Variants in DST observed in about 807,000 individuals in gnomAD.
DST encodes bullous pemphigoid antigen.
In DST, 253 loss-of-function variants were observed where a neutral mutation model predicts 875.2. That is an observed-to-expected ratio of 0.29 (90% confidence interval 0.26 to 0.32). The LOEUF is 0.32. Ranked by LOEUF, DST falls within the 10% of genes least tolerant of loss-of-function variation. The pLI, the probability that DST is intolerant of heterozygous loss-of-function variation, is 1.00. For missense variants in DST, 8,287 were observed against 9,111.6 expected (o/e 0.91, Z 3.68); for synonymous variants, 3,124 against 3,197.1 (o/e 0.98, Z 0.77).
At chr6:56,560,485 T>C (rs927201329) in intron 57 of DST, 62 bp from the exon 58 acceptor site, 5 of 1,486,858 alleles carry the variant, frequency 3.4e-6, no homozygotes, top group Admixed American at 4.2e-5. Flanking sequence ...ACAATAATGA[T>C]AGAGCATTAT....
chr6:56,630,962 TTA>T (rs553555612), intron 30 of DST, among the ~76,000 whole-genome samples: 154 of 152,074 alleles, frequency 1.0e-3, no homozygotes, highest in African/African-American at 3.6e-3. Flanking sequence ...TTGGTATTTT[TTA>T]TAGAGATGGG....
At chr6:56,666,516 C>T (rs2099073088) in intron 10 of DST, among the ~76,000 whole-genome samples, 1 of 152,092 alleles carries the variant, frequency 6.6e-6, no homozygotes, top group African/African-American at 2.4e-5. Flanking sequence ...ATAACCACAT[C>T]CCTCTTTTCA....
intron 9 of DST, among the ~76,000 whole-genome samples, chr6:56,683,085 T>G (rs909575410): frequency 1.3e-5 from 2 of 152,194 alleles, no homozygotes; most frequent in Non-Finnish European, 2.9e-5. Flanking sequence ...GGCAATTTAT[T>G]CACACACCTA....
chr6:56,849,327 G>A (rs1763785944), intron 4 of DST, among the ~76,000 whole-genome samples: 1 of 151,834 alleles, frequency 6.6e-6, no homozygotes, highest in Non-Finnish European at 1.5e-5. Flanking sequence ...AGTAGAGACG[G>A]GGTTTCACCA....
intron 2 of DST, among the ~76,000 whole-genome samples, chr6:56,926,776 G>T (rs1807341346): frequency 6.6e-6 from 1 of 151,258 alleles, no homozygotes; most frequent in Non-Finnish European, 1.5e-5. Flanking sequence ...GTGTAACTAA[G>T]TCAATGGGAG....
At chr6:56,781,808 A>G (rs892104562) in intron 4 of DST, among the ~76,000 whole-genome samples, 3 of 152,102 alleles carry the variant, frequency 2.0e-5, no homozygotes, top group Admixed American at 2.0e-4. Flanking sequence ...GCCAGTTTTC[A>G]AAGGGAATGC....
At chr6:56,581,038 T>G (rs1014442879) in intron 49 of DST, among the ~76,000 whole-genome samples, 5 of 127,320 alleles carry the variant, frequency 3.9e-5, no homozygotes, top group African/African-American at 1.6e-4. Flanking sequence ...CCCAGCCAAT[T>G]AGTGGCATTT....
In DST at chr6:56,572,765, T is replaced by C; in HGVS notation, c.13536A>G (p.Glu4512=). The change falls in exon 52 of 104, where the codon GAA becomes GAG. Residue 4512 remains glutamate (E), a synonymous_variant. Coordinates refer to ENST00000680361, the MANE Select transcript of DST (RefSeq NM_001374736.1). ...EVDVPGKDVT[E]LSQYMQESTS... ...GGCATACCTGCATATACTGAGACAA[T>C]TCAGTAACATCTTTTCCTGGCACAT... The C allele has an allele frequency of 6.3e-7, 1 of 1,597,448 alleles. No homozygotes were observed. The highest frequency in any genetic ancestry group is 8.5e-7 in the Non-Finnish European group (1 of 1,173,018).
Position 56,568,452 on chromosome 6 carries a change from G to A in DST, c.14005+17C>T. On this transcript the variant is annotated intron_variant, in intron 55 of 103. Coordinates refer to ENST00000680361, the MANE Select transcript of DST (RefSeq NM_001374736.1). ...CTGATTCTTAGTTTTTGCCATAAAT[G>A]TAAATAAAGCTCATACCTGATTTAA... 2.5e-6 allele frequency: 4 copies of A among 1,574,424 alleles called. No individual in the cohort carries two copies. Among genetic ancestry groups the A allele is most frequent in the East Asian group, 2.3e-5 (1 of 43,784 alleles).
intron 60 of DST, among the ~76,000 whole-genome samples, chr6:56,554,835 C>G (rs2097380554): frequency 6.6e-6 from 1 of 152,146 alleles, no homozygotes; most frequent in Non-Finnish European, 1.5e-5. Flanking sequence ...GAAGTGAATT[C>G]TAATAATTCA....
chr6:56,792,986 T>A (rs2099730755), intron 4 of DST, among the ~76,000 whole-genome samples: 1 of 146,508 alleles, frequency 6.8e-6, no homozygotes, highest in East Asian at 2.0e-4. Context: ...GAGACTCGCT[T>A]GAGCCCCTGA....
intron 49 of DST, among the ~76,000 whole-genome samples, chr6:56,582,192 A>G (rs1407416697): frequency 3.9e-5 from 6 of 151,978 alleles, no homozygotes; most frequent in Non-Finnish European, 8.8e-5. Context: ...CTGACCACAT[A>G]TCACCCCTGA....
At chr6:56,934,693 G>A (rs1392970840) in intron 2 of DST, among the ~76,000 whole-genome samples, 1 of 149,278 alleles carries the variant, frequency 6.7e-6, no homozygotes, top group Admixed American at 6.7e-5. Context: ...AGAGATCATT[G>A]GTTTTGTGAA....
chr6:56,655,565 C>G lies in DST; in HGVS notation c.1215-4321G>C, dbSNP rs541642929. ...CAATAATTATTTATGTGGATACAAACAGTAAGGTTCTGGCTACCCTGCATC... is the reference window on the plus strand; with the variant it reads ...CAATAATTATTTATGTGGATACAAAGAGTAAGGTTCTGGCTACCCTGCATC... On this transcript the variant is annotated intron_variant, in intron 10 of 103. Coordinates refer to ENST00000680361, the MANE Select transcript of DST (RefSeq NM_001374736.1). 6.0e-4 allele frequency among the ~76,000 whole-genome samples: 91 copies of G among 152,230 alleles called. 5 individuals carry two copies. The South Asian group carries it at 0.019, about 31-fold the overall frequency.
At chr6:56,467,751 T>C (rs1395521012) in intron 98 of DST, among the ~76,000 whole-genome samples, 5 of 152,170 alleles carry the variant, frequency 3.3e-5, no homozygotes, top group African/African-American at 1.2e-4. Context: ...TAATTAGGCA[T>C]TCTCCAGACA....
At chr6:56,950,067 A>C (rs1043109662) in intron 2 of DST, among the ~76,000 whole-genome samples, 3 of 152,196 alleles carry the variant, frequency 2.0e-5, no homozygotes, top group Non-Finnish European at 4.4e-5. Context: ...TGGGCATATT[A>C]TTCTCTGGGC....
intron 5 of DST, among the ~76,000 whole-genome samples, chr6:56,704,771 G>T (rs1361046013): frequency 3.9e-5 from 6 of 152,130 alleles, no homozygotes; most frequent in African/African-American, 1.4e-4. Context: ...CCTAAAACAG[G>T]TTCAAGGATG....
chr6:56,790,404 C>A (rs1017685492), intron 4 of DST, among the ~76,000 whole-genome samples: 2 of 152,188 alleles, frequency 1.3e-5, no homozygotes, highest in African/African-American at 4.8e-5. Context: ...AGCCTGTGTT[C>A]TTTTCACTAT....
intron 5 of DST, among the ~76,000 whole-genome samples, chr6:56,704,855 A>G (rs1459578051): frequency 3.3e-5 from 5 of 152,184 alleles, no homozygotes; most frequent in Admixed American, 1.3e-4. Flanking sequence ...TATTTTATCA[A>G]TATCTTATGA....
Sources: allele counts gnomAD v4.1 joint callset (sites outside exome capture counted in the v4.1 genomes callset), GRCh38; gene constraint gnomAD v4.1.1; transcripts MANE v1.5; gene names NCBI Gene and HGNC (gene_info 2026-07-23, HGNC 2026-07-21).